Variants in ZFYVE9 observed in about 807,000 individuals in gnomAD.
ZFYVE9 encodes zinc finger FYVE domain-containing protein 9.
A neutral mutation model predicts 126.7 loss-of-function variants in ZFYVE9; 43 were observed. That is an observed-to-expected ratio of 0.34 (90% CI 0.27 to 0.44). ZFYVE9 has a LOEUF of 0.44. Ranked by LOEUF, ZFYVE9 falls within the 20% of genes least tolerant of loss-of-function variation. The probability of loss-of-function intolerance (pLI) is 1.00; values close to 1 mark genes in which losing one functional copy is unlikely to be tolerated. For synonymous variants in ZFYVE9, 521 were observed against 597.4 expected, an observed-to-expected ratio of 0.87 and a Z score of 1.87; for missense variants, 1,476 against 1,697.0, an observed-to-expected ratio of 0.87 and a Z score of 2.29.
At chr1:52,151,250 C>A (rs747584984) in intron 1 of ZFYVE9, among the ~76,000 whole-genome samples, 3 of 152,048 alleles carry the variant, frequency 2.0e-5, no homozygotes, top group Admixed American at 6.6e-5. Flanking sequence ...TAAAAGCTTT[C>A]CCTGTAGTGT....
chr1:52,180,628 C>CGAA lies in ZFYVE9; in HGVS notation c.-142-35741_-142-35740insGAA, dbSNP rs1217674541. The CGAA allele has an allele frequency of 1.3e-3, 640 of 495,742 alleles. 1 individual carries two copies. Among genetic ancestry groups the CGAA allele is most frequent in the Non-Finnish European group, 1.5e-3 (419 of 274,232 alleles). The allele number at this position is 495,742 out of a possible 1,614,324, so 30.7% of individuals were successfully genotyped here. On this transcript the variant is annotated intron_variant, in intron 1 of 18. Transcript: ENST00000287727. ...AAAAAGGATAAAGTAAGAATGAATT[C>CGAA]TTCTGGTTTTTAGTTTTGTACAAAT...
intron 1 of ZFYVE9, among the ~76,000 whole-genome samples, chr1:52,158,529 C>G (rs1557428810): frequency 6.6e-6 from 1 of 152,192 alleles, no homozygotes; most frequent in African/African-American, 2.4e-5. Flanking sequence ...CTATCCGTAA[C>G]CTGTCTATCA....
At chr1:52,252,505 G>T (rs531279774) in intron 4 of ZFYVE9, among the ~76,000 whole-genome samples, 3 of 152,078 alleles carry the variant, frequency 2.0e-5, no homozygotes, top group African/African-American at 7.2e-5. Context: ...GACTACAGGC[G>T]TATGCCACCA....
chr1:52,145,342 C>T (rs1049829061), intron 1 of ZFYVE9, among the ~76,000 whole-genome samples: 86 of 152,150 alleles, frequency 5.7e-4, no homozygotes, highest in African/African-American at 2.1e-3. Context: ...TATGTGGCAC[C>T]TTGTAAACGT....
At chr1:52,248,267 G>A (rs778881730) in intron 4 of ZFYVE9, among the ~76,000 whole-genome samples, 6 of 152,148 alleles carry the variant, frequency 3.9e-5, no homozygotes, top group Admixed American at 1.3e-4. Flanking sequence ...TTAGAATCCA[G>A]AGCCCAAAGA....
chr1:52,256,765 T>C (rs1645524201), intron 4 of ZFYVE9, among the ~76,000 whole-genome samples: 1 of 139,216 alleles, frequency 7.2e-6, no homozygotes, highest in South Asian at 2.3e-4. Context: ...TTTGAACTGC[T>C]TTAGATCTTA....
chr1:52,268,470 G>C lies in ZFYVE9; in HGVS notation c.2463G>C (p.Gln821His). The part of the protein sequence containing the change: ...VLKHPGAEVA[Q>H]PREQRRVWFA... ...TTTTTCTGGCCCCTCAAGTGGCTCA[G>C]CCCAGAGAGCAGAGGCGAGTTTGGT... Residue 821 changes from glutamine (Q) to histidine (H), a missense_variant, in exon 7 of 19, where the codon CAG becomes CAC. By Grantham distance (24) the Gln-to-His change is conservative. Transcript: ENST00000287727. 1 of 1,613,804 alleles carries C rather than the reference G, an allele frequency of 6.2e-7. No individual in the cohort carries two copies. The highest frequency in any genetic ancestry group is 8.5e-7 in the Non-Finnish European group (1 of 1,179,788).
Position 52,187,260 on chromosome 1 carries a change from C to T in ZFYVE9, c.-142-29109C>T, listed in dbSNP as rs185358789. 4.6e-5 allele frequency among the ~76,000 whole-genome samples: 7 copies of T among 152,302 alleles called. No individual in the cohort carries two copies. In the East Asian group the frequency reaches 1.3e-3, roughly 29 times the overall value. ...AAATGGTGCTGGGATAACTGGCTAG[C>T]CATATGCAGAAGATTGAAGCTGGAC... On this transcript the variant is annotated intron_variant, in intron 1 of 18. Coordinates refer to ENST00000287727, the MANE Select transcript of ZFYVE9 (RefSeq NM_004799.4).
intron 2 of ZFYVE9, among the ~76,000 whole-genome samples, chr1:52,231,258 G>T (rs140747095): frequency 0.012 from 1,863 of 152,106 alleles, 21 homozygotes; most frequent in Non-Finnish European, 0.02. Flanking sequence ...TGGCTCATGC[G>T]TGTAATCCCA....
intron 1 of ZFYVE9, among the ~76,000 whole-genome samples, chr1:52,212,499 A>G (rs1255089579): frequency 6.6e-6 from 1 of 152,214 alleles, no homozygotes; most frequent in South Asian, 2.1e-4. Flanking sequence ...GATATATTTT[A>G]TAGAGAAATG....
chr1:52,273,844 T>C (rs1332222778), intron 7 of ZFYVE9, among the ~76,000 whole-genome samples: 1 of 150,438 alleles, frequency 6.6e-6, no homozygotes, highest in Non-Finnish European at 1.5e-5. Flanking sequence ...AAAAATGAAC[T>C]TCAAGATTTA....
intron 1 of ZFYVE9, among the ~76,000 whole-genome samples, chr1:52,207,685 C>T (rs1246844001): frequency 6.6e-6 from 1 of 152,068 alleles, no homozygotes; most frequent in African/African-American, 2.4e-5. Context: ...TTTTTCGTTC[C>T]TAGTTTTCTG....
At chr1:52,236,062 A>G (rs1203114485) in intron 3 of ZFYVE9, among the ~76,000 whole-genome samples, 3 of 152,296 alleles carry the variant, frequency 2.0e-5, no homozygotes, top group Non-Finnish European at 2.9e-5. Flanking sequence ...GAACCTATCA[A>G]CAATGTTAAG....
At chr1:52,256,360 C>A (rs1251542664) in intron 4 of ZFYVE9, among the ~76,000 whole-genome samples, 1 of 151,682 alleles carries the variant, frequency 6.6e-6, no homozygotes, top group Non-Finnish European at 1.5e-5. Flanking sequence ...AGCCACCATG[C>A]CCGGCTCTTT....
rs757714669 is a variant in ZFYVE9, at chr1:52,239,277, A to G, written c.1860A>G (p.Lys620=). The change falls in exon 4 of 19, where the codon AAA becomes AAG. Residue 620 remains lysine (K), a synonymous_variant. Coordinates refer to ENST00000287727, the MANE Select transcript of ZFYVE9 (RefSeq NM_004799.4). The stretch of plus-strand genomic sequence containing the variant: ...AAAATAAAAATGATATTCTTGGGAA[A>G]GCAAAATTAGGGGAAAACTCAGCAA... The part of the protein sequence containing the change: ...NTKNKNDILG[K]AKLGENSATN... The G allele has an allele frequency of 1.9e-6, 3 of 1,614,214 alleles. No individual in the cohort carries two copies. The highest frequency in any genetic ancestry group is 2.5e-6 in the Non-Finnish European group (3 of 1,180,024).
chr1:52,147,135 C>A (rs1040700130), intron 1 of ZFYVE9, among the ~76,000 whole-genome samples: 1 of 152,106 alleles, frequency 6.6e-6, no homozygotes, highest in African/African-American at 2.4e-5. Context: ...TTTAGACTTG[C>A]GTCAGAATTC....
chr1:52,296,009 A>C (rs766664948), intron 12 of ZFYVE9, 32 bp downstream of exon 12: 1 of 1,588,818 alleles, frequency 6.3e-7, no homozygotes, highest in Non-Finnish European at 8.6e-7. Context: ...CTTTGTCCTT[A>C]CTGGAGTTTA....
intron 13 of ZFYVE9, among the ~76,000 whole-genome samples, chr1:52,323,330 C>T (rs1033301737): frequency 6.6e-6 from 1 of 152,180 alleles, no homozygotes; most frequent in Non-Finnish European, 1.5e-5. Context: ...ACTCCCAGTC[C>T]TCCTTCCATG....
chr1:52,175,382 T>G (rs1253823261), intron 1 of ZFYVE9, among the ~76,000 whole-genome samples: 1 of 151,968 alleles, frequency 6.6e-6, no homozygotes, highest in Non-Finnish European at 1.5e-5. Flanking sequence ...CAGCTGTTAG[T>G]CTGATGGGCT....
Sources: allele counts gnomAD v4.1 joint callset (sites outside exome capture counted in the v4.1 genomes callset), GRCh38; gene constraint gnomAD v4.1.1; transcripts MANE v1.5; gene names NCBI Gene and HGNC (gene_info 2026-07-23, HGNC 2026-07-21).